The following SYNE2 variants were observed in gnomAD, a reference collection of about 807,000 sequenced individuals.
The protein encoded by SYNE2 is nesprin-2.
In SYNE2, 431 loss-of-function variants were observed where a neutral mutation model predicts 856.3. The ratio of observed to expected loss-of-function variants is 0.50; its 90% CI spans 0.47 to 0.55. SYNE2 has a LOEUF of 0.55. Among genes scored for constraint, SYNE2 ranks in the 20% least tolerant of loss-of-function variants. The pLI, the probability that SYNE2 is intolerant of heterozygous loss-of-function variation, is 0.00. For synonymous variants in SYNE2, 2,923 were observed against 2,872.3 expected (o/e 1.02, Z -0.56); for missense variants, 8,129 against 8,023.2 (o/e 1.01, Z -0.50).
chr14:63,879,159 C>T (rs191914479), intron 1 of SYNE2, among the ~76,000 whole-genome samples: 154 of 152,308 alleles, frequency 1.0e-3, no homozygotes, highest in African/African-American at 3.5e-3. Context: ...ATACCATGAC[C>T]TACCCCAACC....
intron 102 of SYNE2, 149 bp downstream of exon 102, chr14:64,209,727 C>G: frequency 7.9e-7 from 1 of 1,262,814 alleles, no homozygotes; most frequent in Non-Finnish European, 1.1e-6. Flanking sequence ...GCTGCTGAGA[C>G]AGCTTTGCAA....
intron 6 of SYNE2, among the ~76,000 whole-genome samples, chr14:63,948,233 A>G (rs993703045): frequency 2.0e-5 from 3 of 152,236 alleles, no homozygotes; most frequent in Non-Finnish European, 2.9e-5. Context: ...TGCATGGCAT[A>G]TATGAAACAT....
chr14:63,850,632 T>C (rs1000209123), upstream of SYNE2, among the ~76,000 whole-genome samples: 4 of 152,194 alleles, frequency 2.6e-5, no homozygotes, highest in Non-Finnish European at 5.9e-5. Flanking sequence ...ATTAGTTTAA[T>C]CTGCTGATTT....
At chr14:64,159,793 G>A (rs563755370) in intron 87 of SYNE2, among the ~76,000 whole-genome samples, 33 of 152,160 alleles carry the variant, frequency 2.2e-4, no homozygotes, top group Non-Finnish European at 4.0e-4. Context: ...TCCTGCAGGG[G>A]GTGTTCAAAC....
chr14:63,816,188 A>C (rs929459844), intron 1 of SYNE2, among the ~76,000 whole-genome samples: 2 of 151,968 alleles, frequency 1.3e-5, no homozygotes, highest in African/African-American at 4.8e-5. Context: ...ACCTCATGAT[A>C]TGCCCGCCTC....
In SYNE2 at chr14:64,209,946, T is replaced by G; in HGVS notation, c.18545T>G (p.Phe6182Cys). 6.2e-7 allele frequency: 1 copy of G among 1,614,096 alleles called. No homozygotes were observed. The highest frequency in any genetic ancestry group is 8.5e-7 in the Non-Finnish European group (1 of 1,180,030). The part of the protein sequence containing the change: ...AKEELKRFEA[F>C]QRQIHERLTQ... ...GACCCCTCCCATGTGATGCAGGCCT[T>G]TCAGCGGCAGATTCATGAGCGGCTC... is the stretch of plus-strand genomic sequence containing the variant. The change falls in exon 103 of 116, where the codon TTT (phenylalanine) becomes TGT (cysteine). Residue 6182 changes from phenylalanine to cysteine, a missense_variant. By Grantham distance (205) the Phe-to-Cys change is radical. Around this residue, in one of 3 missense-constraint regions of SYNE2, gnomAD observed 5,410 missense variants for 5,284.8 expected, o/e 1.02. Transcript: ENST00000555002.
chr14:63,823,348 C>T (rs532696662), intron 1 of SYNE2, among the ~76,000 whole-genome samples: 3 of 151,960 alleles, frequency 2.0e-5, no homozygotes, highest in South Asian at 2.1e-4. Context: ...CTAGCGCATT[C>T]GTATTTTTAG....
intron 27 of SYNE2, 142 bp downstream of exon 27, chr14:63,999,182 G>C (rs2096735345): frequency 1.2e-6 from 1 of 851,382 alleles, no homozygotes. Context: ...TGCATTTCTA[G>C]TGTCACCCTA....
intron 1 of SYNE2, among the ~76,000 whole-genome samples, chr14:63,826,230 A>G (rs1043642375): frequency 6.6e-6 from 1 of 152,210 alleles, no homozygotes; most frequent in East Asian, 1.9e-4. Context: ...CTGAGAATCT[A>G]CAAGTAAATT....
intron 1 of SYNE2, among the ~76,000 whole-genome samples, chr14:63,775,553 G>A (rs1284286750): frequency 6.6e-6 from 1 of 152,164 alleles, no homozygotes; most frequent in African/African-American, 2.4e-5. Context: ...TGGGATTACA[G>A]GCGTGAGCCA....
Position 63,988,325 on chromosome 14 carries a change from G to A in SYNE2, c.2313+1708G>A, listed in dbSNP as rs746487511. ...ACTCCTGGGCTCAAGTGATTTGCCC[G>A]CCTCAGCCCCTCAAAGTGCTGGGAT... On this transcript the variant is annotated intron_variant, in intron 19 of 115. Transcript: ENST00000555002. 3.3e-5 allele frequency among the ~76,000 whole-genome samples: 5 copies of A among 152,288 alleles called. No individual in the cohort carries two copies. The East Asian group carries it at 7.7e-4, about 24-fold the overall frequency.
intron 53 of SYNE2, among the ~76,000 whole-genome samples, chr14:64,074,585 T>C (rs1488412834): frequency 6.6e-6 from 1 of 152,060 alleles, no homozygotes; most frequent in Non-Finnish European, 1.5e-5. Context: ...CAAAAGTATG[T>C]TTGGAAGTTT....
rs1288900616 is a variant in SYNE2 at position 64,214,183 on chromosome 14, C to T, written c.19057-11C>T. ...GTTGATTAATTCTAACAACTGGATA[C>T]TGTGGTTTAGGGCTTGGAAGATGAA... On this transcript the variant is annotated splice_polypyrimidine_tract_variant and intron_variant, in intron 105 of 115. Transcript: ENST00000555002. 1.3e-5 allele frequency: 21 copies of T among 1,614,168 alleles called. No homozygotes were observed. The highest frequency in any genetic ancestry group is 1.6e-5 in the Non-Finnish European group (19 of 1,180,040).
chr14:63,999,751 T>C (rs1226535195), intron 27 of SYNE2, among the ~76,000 whole-genome samples: 2 of 152,224 alleles, frequency 1.3e-5, no homozygotes, highest in Non-Finnish European at 2.9e-5. Context: ...CCCTCACAGA[T>C]GGAGGGCCAT....
intron 1 of SYNE2, among the ~76,000 whole-genome samples, chr14:63,789,646 G>T (rs997855283): frequency 3.3e-5 from 5 of 151,888 alleles, no homozygotes; most frequent in African/African-American, 4.8e-5. Context: ...TAACCAGGTT[G>T]GTGGCACTGT....
chr14:64,190,638 GGAT>G, intron 99 of SYNE2: 1 of 701,916 alleles, frequency 1.4e-6, no homozygotes, highest in Non-Finnish European at 2.6e-6. Context: ...CCTGGCTTCT[GGAT>G]GCTGGGGGCC....
intron 7 of SYNE2, among the ~76,000 whole-genome samples, chr14:63,953,508 ATGT>A (rs1265949064): frequency 1.4e-5 from 2 of 146,094 alleles, no homozygotes. Context: ...CTAGCTAATG[ATGT>A]TGATTGATAA....
Position 64,027,522 on chromosome 14 carries a change from T to A in SYNE2, c.6443T>A (p.Leu2148Ter), listed in dbSNP as rs1295244793. 2 of 1,603,966 alleles carry A rather than the reference T, an allele frequency of 1.2e-6. No homozygotes were observed. The highest frequency in any genetic ancestry group is 8.5e-7 in the Non-Finnish European group (1 of 1,176,500). ...CTTCTACTAGAAGGAGAGAAATATT[T>A]ACAAAGTAAGGAGGATCTGAGATTA... ...EKLLLEGEKY[L>*]QSKEDLRLML... Residue 2148 changes from leucine to a stop codon, truncating the protein, a stop_gained, in exon 43 of 116, where the codon TTA becomes TAA. Transcript: ENST00000555002. LOFTEE classifies it high-confidence loss of function.
At chr14:64,067,305 A>C (rs977304943) in intron 51 of SYNE2, among the ~76,000 whole-genome samples, 1 of 152,222 alleles carries the variant, frequency 6.6e-6, no homozygotes, top group African/African-American at 2.4e-5. Context: ...TTCTGTGAGG[A>C]TATTTTTATT....
Sources: allele counts gnomAD v4.1 joint callset (sites outside exome capture counted in the v4.1 genomes callset), GRCh38; gene constraint gnomAD v4.1.1; regional missense constraint gnomAD v4.1.1; transcripts MANE v1.5; gene names NCBI Gene and HGNC (gene_info 2026-07-23, HGNC 2026-07-21).